The following ALOX12B variants were observed in gnomAD, a reference collection of about 807,000 sequenced individuals.
The protein encoded by ALOX12B is arachidonate 12-lipoxygenase, 12R type.
ALOX12B carries 47 observed loss-of-function variants against 78.9 expected under a neutral mutation model. The ratio of observed to expected loss-of-function variants is 0.60; its 90% CI spans 0.47 to 0.76. ALOX12B has a LOEUF of 0.76. ALOX12B is among the 30% of genes least tolerant of loss of function. The pLI, the probability that ALOX12B is intolerant of heterozygous loss-of-function variation, is 0.00. For missense variants in ALOX12B, 805 were observed against 922.6 expected, an observed-to-expected ratio of 0.87 and a Z score of 1.65; for synonymous variants, 370 against 374.5, an observed-to-expected ratio of 0.99 and a Z score of 0.14.
In ALOX12B at chr17:8,079,823, G is replaced by T; in HGVS notation, c.873C>A (p.Asp291Glu). 6.2e-7 allele frequency: 1 copy of T among 1,613,550 alleles called. No homozygotes were observed. Among genetic ancestry groups the T allele is most frequent in the Non-Finnish European group, 8.5e-7 (1 of 1,179,956 alleles). ...TRIPDKFPVTDDMVAPFLGEG... is the reference protein window; with the variant it reads ...TRIPDKFPVTEDMVAPFLGEG... ...CGCCCAGGAACGGAGCCACCATGTC[G>T]TCTGTGACGGGGAACTTGTCTGGGA... Residue 291 changes from aspartate to glutamate, a missense_variant, in exon 7 of 15, where the codon GAC becomes GAA. Coordinates refer to ENST00000647874, the MANE Select transcript of ALOX12B (RefSeq NM_001139.3). This position sits in a 1 kb window ranked among gnomAD's most constrained non-coding sequence, Gnocchi z 6.4.
Position 8,076,195 on chromosome 17 carries a change from C to T in ALOX12B, c.1512G>A (p.Ala504=), listed in dbSNP as rs376324924. The T allele has an allele frequency of 1.0e-4, 168 of 1,613,994 alleles. 1 individual carries two copies. Among genetic ancestry groups the T allele is most frequent in the Admixed American group, 6.8e-4 (41 of 60,000 alleles). Residue 504 remains alanine (A), a synonymous_variant, in exon 11 of 15, where the codon GCG becomes GCA. Coordinates refer to ENST00000647874, the MANE Select transcript of ALOX12B (RefSeq NM_001139.3). ...PGYYYRDDSL[A]VWNALEKYVT... is the part of the protein sequence containing the mutation. ...CTCACTTCTCCAGTGCATTCCACAC[C>T]GCCAAGCTGTCATCGCGGTAGTAAT...
chr17:8,080,861 C>G lies in ALOX12B; in HGVS notation c.527+23G>C, dbSNP rs536972096. ...CCCAGGGGAAAACCATGGGCGGGGC[C>G]CAGCACAGCTTCGGGTCCTTACTCA... On this transcript the variant is annotated intron_variant, in intron 4 of 14. Transcript: ENST00000647874. The surrounding 1 kb of genome is among the most constrained non-coding windows in gnomAD (Gnocchi z 4.8). 1 of 1,613,918 alleles carries G rather than the reference C, an allele frequency of 6.2e-7. No individual in the cohort carries two copies. Among genetic ancestry groups the G allele is most frequent in the Non-Finnish European group, 8.5e-7 (1 of 1,179,992 alleles).
rs1977191544 is a variant in ALOX12B at position 8,080,487 on chromosome 17, G to T, written c.651-149C>A. 2.2e-6 allele frequency: 3 copies of T among 1,359,260 alleles called. No individual in the cohort carries two copies. The highest frequency in any genetic ancestry group is 2.3e-5 in the East Asian group (1 of 42,672). 84.2% of individuals were successfully genotyped at this position (1,359,260 alleles called of 1,614,324 possible). On this transcript the variant is annotated intron_variant, in intron 5 of 14. Transcript: ENST00000647874. This position sits in a 1 kb window ranked among gnomAD's most constrained non-coding sequence, Gnocchi z 4.8. The stretch of plus-strand genomic sequence containing the variant: ...CTGGGTCCCATGTCTCAAGATCTTT[G>T]CATCTCTAGGTCTCTGGGATCATGT...
At position 8,086,194 on chromosome 17, in the gene ALOX12B, A is replaced by G. The variant is rs945957700; in HGVS notation, c.174T>C (p.Pro58=). ...GAVGQYTVQC[P]QDLGELIIIR... The stretch of plus-strand genomic sequence containing the variant: ...TGATGATGAGCTCACCCAGGTCCTG[A>G]GGGCACTGCACGGTGTACTGGCCCA... Residue 58 remains proline (P), a synonymous_variant, in exon 2 of 15, where the codon CCT becomes CCC. Transcript: ENST00000647874. 6.2e-7 allele frequency: 1 copy of G among 1,614,038 alleles called. No individual in the cohort carries two copies. Among genetic ancestry groups the G allele is most frequent in the South Asian group, 1.1e-5 (1 of 91,074 alleles).
chr17:8,083,422 T>C (rs1978289654), intron 2 of ALOX12B, among the ~76,000 whole-genome samples: 2 of 152,010 alleles, frequency 1.3e-5, no homozygotes, highest in Non-Finnish European at 2.9e-5. Context: ...CCACCAACAG[T>C]TGTTAAGCCT....
chr17:8,072,649 T>G lies in ALOX12B; in HGVS notation c.*122A>C. 7.1e-7 allele frequency: 1 copy of G among 1,411,702 alleles called. No individual in the cohort carries two copies. Among genetic ancestry groups the G allele is most frequent in the Non-Finnish European group, 9.9e-7 (1 of 1,008,542 alleles). The allele number at this position is 1,411,702 out of a possible 1,614,324, so 87.4% of individuals were successfully genotyped here. On this transcript the variant is annotated 3_prime_UTR_variant, in exon 15 of 15. Coordinates refer to ENST00000647874, the MANE Select transcript of ALOX12B (RefSeq NM_001139.3). ...GCCAGACCCAGGGAAAGGAAGGTTTTTTGTTTTTTTGTTTGTTTGGTGTTT... is the reference window on the plus strand; with the variant it reads ...GCCAGACCCAGGGAAAGGAAGGTTTGTTGTTTTTTTGTTTGTTTGGTGTTT...
Position 8,087,515 on chromosome 17 carries a change from A to C in ALOX12B, c.-73T>G. 6.2e-7 allele frequency: 1 copy of C among 1,607,952 alleles called. No homozygotes were observed. The highest frequency in any genetic ancestry group is 8.5e-7 in the Non-Finnish European group (1 of 1,178,466). On this transcript the variant is annotated 5_prime_UTR_variant, in exon 1 of 15. Transcript: ENST00000647874. The stretch of plus-strand genomic sequence containing the variant: ...GAGGGGCCACACGAAGGCCCAAGGC[A>C]GGCAAGAGAAGCCAGGCACAGAGTG...
chr17:8,080,923 C>A lies in ALOX12B; in HGVS notation c.488G>T (p.Arg163Leu). 3 of 1,613,838 alleles carry A rather than the reference C, an allele frequency of 1.9e-6. No individual in the cohort carries two copies. The highest frequency in any genetic ancestry group is 2.5e-6 in the Non-Finnish European group (3 of 1,179,994). Residue 163 changes from arginine to leucine, a missense_variant, in exon 4 of 15, where the codon CGC (arginine) becomes CTC (leucine). Coordinates refer to ENST00000647874, the MANE Select transcript of ALOX12B (RefSeq NM_001139.3). This position sits in a 1 kb window ranked among gnomAD's most constrained non-coding sequence, Gnocchi z 4.8. Reference protein sequence around the residue: ...LPSYVHIPSYRPPVRRHRNPN... With the variant: ...LPSYVHIPSYLPPVRRHRNPN... The stretch of plus-strand genomic sequence containing the variant: ...GTTGCGATGCCTCCGCACCGGAGGG[C>A]GGTAACTGGGAATGTGCACATAGCT...
Position 8,079,712 on chromosome 17 carries a change from G to A in ALOX12B, c.927+57C>T. 3.2e-6 allele frequency: 5 copies of A among 1,574,062 alleles called. No individual in the cohort carries two copies. In the Middle Eastern group the frequency reaches 6.5e-4, roughly 206 times the overall value. ...GGCGCCGGAGGTGGGGAGAGACGGG[G>A]ATGCCCGCGAGGGAGGCCGGGAGGA... On this transcript the variant is annotated intron_variant, in intron 7 of 14. Coordinates refer to ENST00000647874, the MANE Select transcript of ALOX12B (RefSeq NM_001139.3). This position sits in a 1 kb window ranked among gnomAD's most constrained non-coding sequence, Gnocchi z 6.4.
chr17:8,080,374 G>T lies in ALOX12B; in HGVS notation c.651-36C>A, dbSNP rs754076417. On this transcript the variant is annotated intron_variant, in intron 5 of 14. Coordinates refer to ENST00000647874, the MANE Select transcript of ALOX12B (RefSeq NM_001139.3). This position sits in a 1 kb window ranked among gnomAD's most constrained non-coding sequence, Gnocchi z 4.8. Reference sequence around the variant, plus strand: ...GGATTCCAGGAAGAGGCCTTCAGAGGGGCTGCCAAGCGCCGGCTGGGGCAG... The same window carrying T: ...GGATTCCAGGAAGAGGCCTTCAGAGTGGCTGCCAAGCGCCGGCTGGGGCAG... The T allele has an allele frequency of 6.2e-7, 1 of 1,610,246 alleles. No homozygotes were observed. The highest frequency in any genetic ancestry group is 8.5e-7 in the Non-Finnish European group (1 of 1,176,568).
Position 8,073,234 on chromosome 17 carries a change from T to C in ALOX12B, c.1840A>G (p.Thr614Ala), listed in dbSNP as rs1328757589. 3.1e-6 allele frequency: 5 copies of C among 1,613,940 alleles called. No homozygotes were observed. The highest frequency in any genetic ancestry group is 4.2e-6 in the Non-Finnish European group (5 of 1,180,002). ...IQTKGLTTLE[T>A]FMDTLPDVKT... Reference sequence around the variant, plus strand: ...ACATCCGGCAACGTGTCCATGAAGGTCTCCAGAGTGGTCAGCCCCTTAGTC... The same window carrying C: ...ACATCCGGCAACGTGTCCATGAAGGCCTCCAGAGTGGTCAGCCCCTTAGTC... Residue 614 changes from threonine (T) to alanine (A), a missense_variant, in exon 14 of 15, where the codon ACC (threonine) becomes GCC (alanine). By Grantham distance (58) the Thr-to-Ala change is moderately conservative (BLOSUM62 0). Transcript: ENST00000647874.
intron 11 of ALOX12B, 114 bp downstream of exon 11, chr17:8,076,061 C>A: frequency 1.4e-6 from 2 of 1,422,268 alleles, no homozygotes; most frequent in South Asian, 1.2e-5. Context: ...TTCCCCAAGG[C>A]CAAGCCCCTG....
In ALOX12B at chr17:8,080,994, A is replaced by G; in HGVS notation, c.435-18T>C. 6.2e-7 allele frequency: 1 copy of G among 1,613,866 alleles called. No homozygotes were observed. Among genetic ancestry groups the G allele is most frequent in the South Asian group, 1.1e-5 (1 of 91,074 alleles). ...CTCGCCAGCTGCAAGGGAAACCGAG[A>G]TGTCACCCTCATGCCCGTGCACCAC... On this transcript the variant is annotated intron_variant, in intron 3 of 14. Coordinates refer to ENST00000647874, the MANE Select transcript of ALOX12B (RefSeq NM_001139.3). The surrounding 1 kb of genome is among the most constrained non-coding windows in gnomAD (Gnocchi z 4.8).
Position 8,072,795 on chromosome 17 carries a change from C to A in ALOX12B, c.2082G>T (p.Leu694=), listed in dbSNP as rs748377475. ...CCTAAATAGAAATGCTGTTCTCAAT[C>A]AGCACCGGGTCCAGGTAGTAGTAGG... ...PIPYYYLDPV[L]IENSISI is the part of the protein sequence containing the mutation. Residue 694 remains leucine, a synonymous_variant, in exon 15 of 15, where the codon CTG becomes CTT. Transcript: ENST00000647874. The A allele has an allele frequency of 1.9e-5, 30 of 1,614,128 alleles. No individual in the cohort carries two copies. In the East Asian group the frequency reaches 6.7e-4, roughly 36 times the overall value.
rs886053562 is a variant in ALOX12B, at chr17:8,073,327, G to A, written c.1756-9C>T. On this transcript the variant is annotated splice_polypyrimidine_tract_variant and intron_variant, in intron 13 of 14. Coordinates refer to ENST00000647874, the MANE Select transcript of ALOX12B (RefSeq NM_001139.3). ...CAGGCGGTGAACTCCATCTGGAGGT[G>A]GGATAGAGGCGCGGGTCTGGGTGGA... 38 of 1,614,004 alleles carry A rather than the reference G, an allele frequency of 2.4e-5. No individual in the cohort carries two copies. The highest frequency in any genetic ancestry group is 3.1e-5 in the Non-Finnish European group (37 of 1,180,042).
Position 8,080,096 on chromosome 17 carries a change from C to T in ALOX12B, c.754+139G>A, listed in dbSNP as rs930450978. On this transcript the variant is annotated intron_variant, in intron 6 of 14. Transcript: ENST00000647874. This position sits in a 1 kb window ranked among gnomAD's most constrained non-coding sequence, Gnocchi z 4.8. Reference sequence around the variant, plus strand: ...GAGCGGCCGGAGGAGCCCGGTGCGACATTTTCCAAGAAGCCGCCAGAGGGC... The same window carrying T: ...GAGCGGCCGGAGGAGCCCGGTGCGATATTTTCCAAGAAGCCGCCAGAGGGC... 2.0e-6 allele frequency: 3 copies of T among 1,483,980 alleles called. No individual in the cohort carries two copies. The highest frequency in any genetic ancestry group is 3.5e-5 in the Admixed American group (2 of 57,700). 91.9% of individuals were successfully genotyped at this position (1,483,980 alleles called of 1,614,324 possible). A position where few individuals can be genotyped will look rare whatever the true frequency, so the allele number is the denominator to read the frequency against.
At chr17:8,077,570 G>A (rs1356359894) in intron 8 of ALOX12B, among the ~76,000 whole-genome samples, 2 of 152,188 alleles carry the variant, frequency 1.3e-5, no homozygotes, top group Admixed American at 1.3e-4. Context: ...GCAGATCACT[G>A]AAATCAGCCT....
chr17:8,077,307 TCC>T, intron 8 of ALOX12B, 114 bp from the exon 9 acceptor site: 1 of 1,097,434 alleles, frequency 9.1e-7, no homozygotes, highest in Non-Finnish European at 1.3e-6. Flanking sequence ...ACTCCTAAGC[TCC>T]GGTCCCACTG....
chr17:8,074,615 G>A (rs1381403826), intron 12 of ALOX12B, among the ~76,000 whole-genome samples: 1 of 150,796 alleles, frequency 6.6e-6, no homozygotes, highest in East Asian at 1.9e-4. Context: ...ACTGTCTCCT[G>A]ACTGCCAGTG....
Sources: allele counts gnomAD v4.1 joint callset (sites outside exome capture counted in the v4.1 genomes callset), GRCh38; gene constraint gnomAD v4.1.1; non-coding constraint Gnocchi (gnomAD v3.1); transcripts MANE v1.5; gene names NCBI Gene and HGNC (gene_info 2026-07-23, HGNC 2026-07-21).